APOO: variants seen among roughly 807,000 people sequenced by gnomAD.
APOO encodes MICOS complex subunit MIC26.
APOO carries 11 observed loss-of-function variants against 23.1 expected under a neutral mutation model. The observed-to-expected ratio is 0.48, with a 90% CI of 0.30 to 0.79. The LOEUF (loss-of-function observed/expected upper bound fraction) is 0.79, where lower values mean the gene tolerates loss of function less well. APOO is among the 30% of genes least tolerant of loss of function. APOO has a pLI of 0.07. For missense variants in APOO, 160 were observed against 142.7 expected, an observed-to-expected ratio of 1.12 and a Z score of -0.62; for synonymous variants, 59 against 54.8, an observed-to-expected ratio of 1.08 and a Z score of -0.34.
At chrX:23,839,831 T>G (rs1182398084) in intron 8 of APOO, among the ~76,000 whole-genome samples, 1 of 111,671 alleles carries the variant, frequency 9.0e-6, no homozygotes, top group African/African-American at 3.2e-5. Flanking sequence ...TTTCCTGTAG[T>G]TGAATATCTA....
intron 7 of APOO, among the ~76,000 whole-genome samples, chrX:23,854,340 G>A (rs1221933435): frequency 8.9e-6 from 1 of 111,770 alleles, no homozygotes; most frequent in Non-Finnish European, 1.9e-5. Context: ...AGCACTCCGG[G>A]GAGCCTGGGG....
chrX:23,851,473 G>A (rs748143447), intron 7 of APOO, among the ~76,000 whole-genome samples: 13 of 112,144 alleles, frequency 1.2e-4, no homozygotes, highest in East Asian at 2.8e-4. Context: ...GATTACAGGC[G>A]TGAGCCACCG....
intron 4 of APOO, among the ~76,000 whole-genome samples, chrX:23,871,800 T>C (rs1485624044): frequency 8.9e-6 from 1 of 111,916 alleles, no homozygotes; most frequent in Non-Finnish European, 1.9e-5. Context: ...CCTGGCAGAA[T>C]GGTGACTTAA....
At chrX:23,836,614 C>T in intron 8 of APOO, 6 of 725,672 alleles carry the variant, frequency 8.3e-6, no homozygotes, top group South Asian at 5.9e-5. Context: ...CGCCCAGCCC[C>T]AGCCTAATTT....
intron 1 of APOO, among the ~76,000 whole-genome samples, chrX:23,902,480 TGGACTA>T (rs1927169164): frequency 9.0e-6 from 1 of 111,379 alleles, no homozygotes; most frequent in Non-Finnish European, 1.9e-5. Context: ...AGCCCATAGT[TGGACTA>T]GGATAAAATC....
At chrX:23,847,066 C>T (rs1924278044) in intron 7 of APOO, among the ~76,000 whole-genome samples, 1 of 111,074 alleles carries the variant, frequency 9.0e-6, no homozygotes, top group African/African-American at 3.3e-5. Flanking sequence ...CAAGAAGAAG[C>T]CAATAAACCT....
chrX:23,863,858 G>C (rs1251375898), intron 5 of APOO, among the ~76,000 whole-genome samples: 1 of 110,844 alleles, frequency 9.0e-6, no homozygotes, highest in Non-Finnish European at 1.9e-5. Context: ...ACAGAGCCTG[G>C]AGAAACCTGA....
At chrX:23,834,639 C>T (rs1217249727) in intron 8 of APOO, among the ~76,000 whole-genome samples, 2 of 110,964 alleles carry the variant, frequency 1.8e-5, no homozygotes, top group Non-Finnish European at 3.8e-5. Flanking sequence ...CCTCGCATCA[C>T]CCCCATCATA....
In APOO at chrX:23,907,820, T is replaced by G; in HGVS notation, c.-118A>C. 1.2e-6 allele frequency: 1 copy of G among 867,733 alleles called. No individual in the cohort carries two copies. The highest frequency in any genetic ancestry group is 1.6e-6 in the Non-Finnish European group (1 of 636,993). The allele number at this position is 867,733 out of a possible 1,213,427, so 71.5% of individuals were successfully genotyped here. A position where few individuals can be genotyped will look rare whatever the true frequency, so the allele number is the denominator to read the frequency against. ...TTCTCCAACCGCAAGCAGGCAGCGG[T>G]GCGGGTGACGGCCGTACTGCAAACT... On this transcript the variant is annotated 5_prime_UTR_variant, in exon 1 of 9. Coordinates refer to ENST00000379226, the MANE Select transcript of APOO (RefSeq NM_024122.5).
intron 4 of APOO, among the ~76,000 whole-genome samples, chrX:23,872,876 C>T (rs1011254818): frequency 1.8e-5 from 2 of 108,969 alleles, no homozygotes; most frequent in African/African-American, 6.7e-5. Context: ...TATGGTGAAA[C>T]CCGTCTCTAC....
chrX:23,835,672 G>A (rs1216109636), intron 8 of APOO, among the ~76,000 whole-genome samples: 1 of 110,132 alleles, frequency 9.1e-6, no homozygotes, highest in Non-Finnish European at 1.9e-5. Context: ...AATATGTTAT[G>A]TAAAACAAGT....
At chrX:23,840,143 C>T (rs754457192) in intron 8 of APOO, 170 bp downstream of exon 8, 5 of 318,311 alleles carry the variant, frequency 1.6e-5, no homozygotes, top group Non-Finnish European at 2.7e-5. Context: ...GTGGAACAAA[C>T]ACAAATAAGT....
At chrX:23,861,081 T>C (rs1359933135) in intron 5 of APOO, among the ~76,000 whole-genome samples, 1 of 111,067 alleles carries the variant, frequency 9.0e-6, no homozygotes, top group Non-Finnish European at 1.9e-5. Flanking sequence ...TCAAGGCTAC[T>C]GTGAGCTGTG....
chrX:23,837,041 A>T (rs779943306), intron 8 of APOO: 4 of 751,949 alleles, frequency 5.3e-6, no homozygotes, highest in Non-Finnish European at 8.2e-6. Context: ...GCATACACAG[A>T]CCTCATCTTG....
At chrX:23,849,562 G>A (rs1001210655) in intron 7 of APOO, among the ~76,000 whole-genome samples, 13 of 84,982 alleles carry the variant, frequency 1.5e-4, no homozygotes, top group African/African-American at 5.4e-4. Context: ...TGGAAGGGGA[G>A]CCTGTAGATT....
intron 8 of APOO, among the ~76,000 whole-genome samples, chrX:23,834,395 C>CAAAAA (rs1215835629): frequency 6.3e-5 from 2 of 31,920 alleles, no homozygotes; most frequent in African/African-American, 2.1e-4. Flanking sequence ...AACTCTGTCT[C>CAAAAA]AAAAAAAAAA....
At chrX:23,880,500 G>A (rs1367378603) in intron 2 of APOO, among the ~76,000 whole-genome samples, 1 of 111,022 alleles carries the variant, frequency 9.0e-6, no homozygotes, top group Admixed American at 9.7e-5. Flanking sequence ...GGGAGTTCGA[G>A]ACTAGCCTGG....
At position 23,857,460 on chromosome X, in the gene APOO, A is replaced by G. The variant is rs527540647; in HGVS notation, c.481-1078T>C. On this transcript the variant is annotated intron_variant, in intron 6 of 8. Coordinates refer to ENST00000379226, the MANE Select transcript of APOO (RefSeq NM_024122.5). The stretch of plus-strand genomic sequence containing the variant: ...TGGAGCAGGGACAGAAGCATTAACT[A>G]TCTGCCTCCAGGACTGTTACAAACA... 7.2e-5 allele frequency among the ~76,000 whole-genome samples: 8 copies of G among 111,310 alleles called. No individual in the cohort carries two copies. In the South Asian group the frequency reaches 2.6e-3, roughly 37 times the overall value.
At chrX:23,834,757 C>T (rs1219190644) in intron 8 of APOO, among the ~76,000 whole-genome samples, 1 of 107,409 alleles carries the variant, frequency 9.3e-6, no homozygotes, top group Admixed American at 1.0e-4. Context: ...TGGAGTCTTG[C>T]TCTGTCACCC....
Sources: allele counts gnomAD v4.1 joint callset (sites outside exome capture counted in the v4.1 genomes callset), GRCh38; gene constraint gnomAD v4.1.1; transcripts MANE v1.5; gene names NCBI Gene and HGNC (gene_info 2026-07-23, HGNC 2026-07-21).